CTNNA2: variants seen among roughly 807,000 people sequenced by gnomAD.
The protein encoded by CTNNA2 is catenin alpha 2, also known as catenin alpha-2.
CTNNA2 carries 42 observed loss-of-function variants against 101.0 expected under a neutral mutation model. The observed-to-expected ratio is 0.42, with a 90% CI of 0.32 to 0.54. CTNNA2 has a LOEUF of 0.54. Among genes scored for constraint, CTNNA2 ranks in the 20% least tolerant of loss-of-function variants. The probability of loss-of-function intolerance (pLI) is 0.14; values close to 1 mark genes in which losing one functional copy is unlikely to be tolerated. For synonymous variants in CTNNA2, 450 were observed against 456.4 expected (o/e 0.99, Z 0.18); for missense variants, 871 against 1,223.1 (o/e 0.71, Z 4.29).
At chr2:79,536,655 T>G (rs1459841648) in intron 1 of CTNNA2, among the ~76,000 whole-genome samples, 7 of 151,164 alleles carry the variant, frequency 4.6e-5, no homozygotes, top group African/African-American at 1.5e-4. Context: ...CATCCCCTAC[T>G]CTACTGTCGT....
At position 79,909,656 on chromosome 2, in the gene CTNNA2, G is replaced by A. The variant is rs1685655298; in HGVS notation, c.915G>A (p.Glu305=). Residue 305 remains glutamate, a synonymous_variant, in exon 7 of 19, where the codon GAG becomes GAA. Coordinates refer to ENST00000402739, the MANE Select transcript of CTNNA2 (RefSeq NM_001282597.3). ...SEARFRPSLE[E]RLESIISGAA... The stretch of plus-strand genomic sequence containing the variant: ...CCAGGTTCCGGCCGTCCCTGGAGGA[G>A]AGGCTGGAGAGCATCATCAGCGGCG... 1.9e-6 allele frequency: 3 copies of A among 1,613,640 alleles called. No homozygotes were observed. The highest frequency in any genetic ancestry group is 2.5e-6 in the Non-Finnish European group (3 of 1,179,630).
intron 7 of CTNNA2, among the ~76,000 whole-genome samples, chr2:80,256,457 A>G (rs535409653): frequency 1.3e-5 from 2 of 152,292 alleles, no homozygotes; most frequent in East Asian, 3.9e-4. Context: ...GCAAGAAAAT[A>G]ACCTCTCTTT....
intron 4 of CTNNA2, among the ~76,000 whole-genome samples, chr2:79,434,349 A>ATAG (rs1487809665): frequency 6.6e-6 from 1 of 152,046 alleles, no homozygotes; most frequent in Non-Finnish European, 1.5e-5. Flanking sequence ...GAGAGGCTTA[A>ATAG]TAGTGGATAG....
rs1169895556 is a variant in CTNNA2, at chr2:80,014,369, A to G, written c.1056+104572A>G. 3.4e-5 allele frequency among the ~76,000 whole-genome samples: 5 copies of G among 147,026 alleles called. No homozygotes were observed. The Admixed American group carries it at 3.4e-4, about 10-fold the overall frequency. On this transcript the variant is annotated intron_variant, in intron 7 of 18. Transcript: ENST00000402739. Reference sequence around the variant, plus strand: ...GAAAAAAGACAAGAAGTTTCATGAAAAAGTGTTTTATTCTGTGATCTCTTC... The same window carrying G: ...GAAAAAAGACAAGAAGTTTCATGAAGAAGTGTTTTATTCTGTGATCTCTTC...
At chr2:79,492,357 G>C (rs1041500702) in intron 4 of CTNNA2, among the ~76,000 whole-genome samples, 1 of 151,602 alleles carries the variant, frequency 6.6e-6, no homozygotes, top group Admixed American at 6.6e-5. Context: ...GTTATTTATT[G>C]CATTTATAAG....
chr2:79,213,839 A>G (rs1039228567), intron 2 of CTNNA2, among the ~76,000 whole-genome samples: 2 of 152,134 alleles, frequency 1.3e-5, no homozygotes, highest in African/African-American at 4.8e-5. Flanking sequence ...AAGAAAACAG[A>G]TTTTGGAAGT....
At chr2:80,047,077 A>G (rs1696577413) in intron 7 of CTNNA2, among the ~76,000 whole-genome samples, 1 of 152,134 alleles carries the variant, frequency 6.6e-6, no homozygotes. Flanking sequence ...CCCCTGGGGT[A>G]AAATCAGCCC....
chr2:79,195,883 T>C (rs1406355562), intron 1 of CTNNA2: 1 of 501,264 alleles, frequency 2.0e-6, no homozygotes, highest in Non-Finnish European at 4.0e-6. Flanking sequence ...AAATAAGAAA[T>C]TAGGGGGCAG....
chr2:80,450,560 C>T (rs907980807), intron 9 of CTNNA2, among the ~76,000 whole-genome samples: 2 of 152,140 alleles, frequency 1.3e-5, no homozygotes, highest in African/African-American at 2.4e-5. Context: ...TCTGGAGTTG[C>T]TTACCTTACC....
chr2:80,362,220 C>T (rs952578074), intron 7 of CTNNA2, among the ~76,000 whole-genome samples: 3 of 151,980 alleles, frequency 2.0e-5, no homozygotes, highest in Non-Finnish European at 4.4e-5. Context: ...GAGATAGTTC[C>T]CAGGTCCTTG....
At chr2:80,578,266 C>G (rs1695233923) in intron 13 of CTNNA2, among the ~76,000 whole-genome samples, 1 of 152,154 alleles carries the variant, frequency 6.6e-6, no homozygotes, top group East Asian at 1.9e-4. Context: ...TAGGAGTAGA[C>G]TTTAAATAGT....
At chr2:79,404,368 C>T (rs531421688) in intron 4 of CTNNA2, among the ~76,000 whole-genome samples, 211 of 152,044 alleles carry the variant, frequency 1.4e-3, no homozygotes, top group African/African-American at 4.6e-3. Context: ...TTTTATTTGC[C>T]GATTCACCAA....
chr2:79,532,324 C>T (rs55790837), intron 1 of CTNNA2, among the ~76,000 whole-genome samples: 32,838 of 151,864 alleles, frequency 0.22, 3,887 homozygotes, highest in Middle Eastern at 0.34. Flanking sequence ...AGCTTTGTGA[C>T]GACTCTGACC....
At chr2:80,340,069 A>C (rs948537880) in intron 7 of CTNNA2, among the ~76,000 whole-genome samples, 2 of 152,196 alleles carry the variant, frequency 1.3e-5, no homozygotes, top group Non-Finnish European at 2.9e-5. Flanking sequence ...AAAATAAATA[A>C]GATTTATTTT....
At chr2:79,432,692 C>T (rs957946697) in intron 4 of CTNNA2, among the ~76,000 whole-genome samples, 8 of 152,158 alleles carry the variant, frequency 5.3e-5, no homozygotes, top group African/African-American at 1.9e-4. Context: ...CCCATTTTAG[C>T]TTTAGAGATC....
chr2:79,243,003 C>CACACAT (rs138102746), intron 2 of CTNNA2, among the ~76,000 whole-genome samples: 38,364 of 132,426 alleles, frequency 0.29, 6,228 homozygotes, highest in East Asian at 0.42. Flanking sequence ...TACACACACA[C>CACACAT]ACACACACAC....
chr2:80,063,422 T>A (rs1697746885), intron 7 of CTNNA2, among the ~76,000 whole-genome samples: 1 of 152,208 alleles, frequency 6.6e-6, no homozygotes, highest in African/African-American at 2.4e-5. Context: ...CTCAAAAACA[T>A]TTATGAAATG....
chr2:80,291,894 A>G lies in CTNNA2; in HGVS notation c.1057-101317A>G, dbSNP rs75217414. 7.6e-3 allele frequency among the ~76,000 whole-genome samples: 1,160 copies of G among 152,314 alleles called. 7 individuals carry two copies. The highest frequency in any genetic ancestry group is 0.026 in the African/African-American group (1,099 of 41,568). ...ACCACAGTGGTAAAGGCAAGCCACT[A>G]AAGAACCAGAACAAAGTCAGTGAGT... On this transcript the variant is annotated intron_variant, in intron 7 of 18. Coordinates refer to ENST00000402739, the MANE Select transcript of CTNNA2 (RefSeq NM_001282597.3).
chr2:80,514,449 G>C, intron 9 of CTNNA2, among the ~76,000 whole-genome samples: 1 of 152,166 alleles, frequency 6.6e-6, no homozygotes, highest in East Asian at 1.9e-4. Flanking sequence ...TTCTACCAAT[G>C]AGTGCAAACG....
Sources: allele counts gnomAD v4.1 joint callset (sites outside exome capture counted in the v4.1 genomes callset), GRCh38; gene constraint gnomAD v4.1.1; transcripts MANE v1.5; gene names NCBI Gene and HGNC (gene_info 2026-07-23, HGNC 2026-07-21).